ZNF780A: variants seen among roughly 807,000 people sequenced by gnomAD.
ZNF780A encodes the protein zinc finger protein 780A.
ZNF780A carries 40 observed loss-of-function variants against 56.7 expected under a neutral mutation model. The ratio of observed to expected loss-of-function variants is 0.71; its 90% CI spans 0.55 to 0.92. ZNF780A has a LOEUF of 0.92. Ranked by LOEUF, ZNF780A falls within the 40% of genes least tolerant of loss-of-function variation. The pLI is 0.00. For missense variants in ZNF780A, 672 were observed against 783.3 expected (o/e 0.86, Z 1.70); for synonymous variants, 231 against 248.3 (o/e 0.93, Z 0.66).
Position 40,073,932 on chromosome 19 carries a change from T to A in ZNF780A, c.*584A>T. 9.7e-7 allele frequency: 1 copy of A among 1,032,100 alleles called. No homozygotes were observed. Among genetic ancestry groups the A allele is most frequent in the South Asian group, 3.7e-5 (1 of 26,948 alleles). The allele number at this position is 1,032,100 out of a possible 1,614,324, so 63.9% of individuals were successfully genotyped here. On this transcript the variant is annotated 3_prime_UTR_variant, in exon 6 of 6. Coordinates refer to ENST00000683561, the MANE Select transcript of ZNF780A (RefSeq NM_001142578.2). ...ATGCTTTCCCATATTCCTTACATTA[T>A]AGCGTTTCTCACCAGTATGAATTTT... is the stretch of plus-strand genomic sequence containing the variant.
At position 40,074,151 on chromosome 19, in the gene ZNF780A, C is replaced by G; in HGVS notation, c.*365G>C. ...CTGATGTTGAACAAGGTTTGAGCCA[C>G]TATTGAAGGCCTTCCCACATTTCTC... On this transcript the variant is annotated 3_prime_UTR_variant, in exon 6 of 6. Coordinates refer to ENST00000683561, the MANE Select transcript of ZNF780A (RefSeq NM_001142578.2). The G allele has an allele frequency of 7.4e-7, 1 of 1,349,244 alleles. No individual in the cohort carries two copies. Among genetic ancestry groups the G allele is most frequent in the Non-Finnish European group, 9.7e-7 (1 of 1,031,024 alleles). 83.6% of individuals were successfully genotyped at this position (1,349,244 alleles called of 1,614,324 possible).
chr19:40,090,595 G>A (rs1452838204), intron 1 of ZNF780A: 1 of 152,362 alleles, frequency 6.6e-6, no homozygotes, highest in East Asian at 1.9e-4. Flanking sequence ...GAAGCAGCAG[G>A]AGCCTAGGGG....
intron 5 of ZNF780A, among the ~76,000 whole-genome samples, chr19:40,080,209 TTCTA>T (rs1274769443): frequency 6.6e-6 from 1 of 152,160 alleles, no homozygotes; most frequent in East Asian, 1.9e-4. Flanking sequence ...CACTGCTGAA[TTCTA>T]TCTACCAAAC....
intron 2 of ZNF780A, chr19:40,085,112 G>C (rs1974720085): frequency 1.1e-5 from 11 of 975,180 alleles, no homozygotes; most frequent in Non-Finnish European, 1.3e-5. Flanking sequence ...TACCTATCTT[G>C]GCCTAGGTCT....
chr19:40,089,160 G>A (rs759516282), intron 2 of ZNF780A: 13 of 1,143,706 alleles, frequency 1.1e-5, no homozygotes, highest in Non-Finnish European at 1.4e-5. Flanking sequence ...AAAAATGCTA[G>A]GAGGGTGGAT....
intron 2 of ZNF780A, among the ~76,000 whole-genome samples, chr19:40,085,862 G>C (rs1309997903): frequency 6.6e-6 from 1 of 151,896 alleles, no homozygotes; most frequent in African/African-American, 2.4e-5. Context: ...CCTGGCAACA[G>C]AGCGAGCCTT....
chr19:40,070,961 TAAAA>T (rs1472899736), downstream of ZNF780A: 11 of 152,084 alleles, frequency 7.2e-5, no homozygotes, highest in East Asian at 2.1e-3. Context: ...AAAGTGGAAA[TAAAA>T]AATAGGAACA....
chr19:40,072,946 C>T, downstream of ZNF780A: 4 of 1,548,386 alleles, frequency 2.6e-6, no homozygotes, highest in Non-Finnish European at 3.5e-6. Context: ...ATATGAATAG[C>T]TGTAAAAGAT....
At chr19:40,089,453 C>T in intron 2 of ZNF780A, 1 of 497,424 alleles carries the variant, frequency 2.0e-6, no homozygotes. Flanking sequence ...AATGACTACA[C>T]AAAAAACAAC....
chr19:40,077,299 T>G (rs1372797043), intron 5 of ZNF780A, among the ~76,000 whole-genome samples: 1 of 152,146 alleles, frequency 6.6e-6, no homozygotes, highest in Admixed American at 6.6e-5. Context: ...GTTCTGCAGG[T>G]TGTACATGGC....
chr19:40,075,262 A>G lies in ZNF780A; in HGVS notation c.1180T>C (p.Cys394Arg). ...GAGCTACGATTAAAGGACTTCCCAC[A>G]TTCCTTACATTCAAACGGTTTTTCA... ...TGEKPFECKE[C>R]GKSFNRSSNL... The change falls in exon 6 of 6, where the codon TGT (cysteine) becomes CGT (arginine). Residue 394 changes from cysteine (C) to arginine (R), a missense_variant. Coordinates refer to ENST00000683561, the MANE Select transcript of ZNF780A (RefSeq NM_001142578.2). 2 of 1,613,800 alleles carry G rather than the reference A, an allele frequency of 1.2e-6. No homozygotes were observed. The highest frequency in any genetic ancestry group is 1.7e-6 in the Non-Finnish European group (2 of 1,179,946).
At chr19:40,079,453 A>T (rs1974350050) in intron 5 of ZNF780A, among the ~76,000 whole-genome samples, 1 of 152,200 alleles carries the variant, frequency 6.6e-6, no homozygotes, top group Non-Finnish European at 1.5e-5. Flanking sequence ...AAAATTAACA[A>T]GAAACATTGG....
intron 2 of ZNF780A, among the ~76,000 whole-genome samples, chr19:40,086,255 T>C (rs1023853730): frequency 2.0e-5 from 3 of 148,848 alleles, no homozygotes; most frequent in Admixed American, 6.6e-5. Context: ...GAGCAATCTC[T>C]AGAAAAAATT....
chr19:40,073,447 C>G lies in ZNF780A; in HGVS notation c.*1069G>C, dbSNP rs80179582. 0.031 allele frequency: 26,192 copies of G among 848,538 alleles called. 712 individuals are homozygous for G. Among genetic ancestry groups the G allele is most frequent in the East Asian group, 0.17 (1,357 of 8,142 alleles). The allele number at this position is 848,538 out of a possible 1,614,324, so 52.6% of individuals were successfully genotyped here. The stretch of plus-strand genomic sequence containing the variant: ...CTGACGTTGGGAAAATGGACCTGAT[C>G]GTCTTGCTCACCACAGGGTTGCCAC... On this transcript the variant is annotated 3_prime_UTR_variant, in exon 6 of 6. Transcript: ENST00000683561.
At chr19:40,082,162 C>A (rs1178638355) in intron 4 of ZNF780A, among the ~76,000 whole-genome samples, 1 of 152,086 alleles carries the variant, frequency 6.6e-6, no homozygotes, top group Non-Finnish European at 1.5e-5. Context: ...GAGCAGGAAA[C>A]TTCAATCCAG....
rs1973892852 is a variant in ZNF780A at position 40,073,062 on chromosome 19, A to G, written c.*1454T>C. 3.5e-6 allele frequency: 5 copies of G among 1,419,732 alleles called. No homozygotes were observed. The highest frequency in any genetic ancestry group is 4.6e-6 in the Non-Finnish European group (5 of 1,090,096). The allele number at this position is 1,419,732 out of a possible 1,614,324, so 87.9% of individuals were successfully genotyped here. A position where few individuals can be genotyped will look rare whatever the true frequency, so the allele number is the denominator to read the frequency against. On this transcript the variant is annotated 3_prime_UTR_variant, in exon 6 of 6. Transcript: ENST00000683561. ...ACAATGGCTATATGATATTGTCTAT[A>G]TTGTCTTCATGTTTGGTTGATACAC... is the stretch of plus-strand genomic sequence containing the variant.
chr19:40,087,410 C>A (rs11883159), intron 2 of ZNF780A, among the ~76,000 whole-genome samples: 9,614 of 152,190 alleles, frequency 0.063, 1,009 homozygotes, highest in African/African-American at 0.22. Context: ...CTAAACATCA[C>A]CCCAGCTGAG....
In ZNF780A at chr19:40,074,839, C is replaced by A. The variant is rs1974002494; in HGVS notation, c.1603G>T (p.Gly535Trp). The change falls in exon 6 of 6, where the codon GGG (glycine) becomes TGG (tryptophan). Residue 535 changes from glycine to tryptophan, a missense_variant. Coordinates refer to ENST00000683561, the MANE Select transcript of ZNF780A (RefSeq NM_001142578.2). ...TTTGAACCACGACGAAAGAATTTCC[C>A]ACATTCCTTACATTCAAATGGTTTT... is the stretch of plus-strand genomic sequence containing the variant. ...GEKPFECKEC[G>W]KFFRRGSNLN... is the part of the protein sequence containing the mutation. The A allele has an allele frequency of 6.2e-7, 1 of 1,614,072 alleles. No individual in the cohort carries two copies.
intron 5 of ZNF780A, among the ~76,000 whole-genome samples, chr19:40,079,680 C>A (rs540450420): frequency 1.3e-5 from 2 of 152,208 alleles, no homozygotes; most frequent in Admixed American, 6.5e-5. Context: ...ACAAGAGGAA[C>A]TTTGGAAACT....
Sources: allele counts gnomAD v4.1 joint callset (sites outside exome capture counted in the v4.1 genomes callset), GRCh38; gene constraint gnomAD v4.1.1; transcripts MANE v1.5; gene names NCBI Gene and HGNC (gene_info 2026-07-23, HGNC 2026-07-21).